Variants in SPATA6L observed in about 807,000 individuals in gnomAD.
The protein encoded by SPATA6L is spermatogenesis associated 6-like protein.
In SPATA6L, 68 loss-of-function variants were observed where a neutral mutation model predicts 49.2. The ratio of observed to expected loss-of-function variants is 1.38; its 90% CI spans 1.14 to 1.69. The LOEUF (loss-of-function observed/expected upper bound fraction) is 1.69, where lower values mean the gene tolerates loss of function less well. SPATA6L is among the 40% of genes most tolerant of loss of function. SPATA6L has a pLI of 0.00. For synonymous variants in SPATA6L, 198 were observed against 165.7 expected (o/e 1.19, Z -1.50); for missense variants, 668 against 464.3 (o/e 1.44, Z -4.03).
intron 3 of SPATA6L, among the ~76,000 whole-genome samples, chr9:4,636,297 A>G (rs1481053495): frequency 6.6e-6 from 1 of 152,186 alleles, no homozygotes; most frequent in African/African-American, 2.4e-5. Flanking sequence ...TTTATTATAA[A>G]CCACTTTCAT....
chr9:4,658,855 G>A (rs1453191417), intron 2 of SPATA6L, among the ~76,000 whole-genome samples: 1 of 151,164 alleles, frequency 6.6e-6, no homozygotes, highest in African/African-American at 2.4e-5. Flanking sequence ...AGCCTGGTGT[G>A]GTGGCAGATC....
downstream of SPATA6L, among the ~76,000 whole-genome samples, chr9:4,596,973 T>G (rs566737048): frequency 7.2e-5 from 11 of 152,344 alleles, no homozygotes; most frequent in South Asian, 8.3e-4. Flanking sequence ...TAGCTAATGC[T>G]CACTGAGTGC....
intron 8 of SPATA6L, 71 bp downstream of exon 8, chr9:4,618,793 G>T: frequency 7.0e-7 from 1 of 1,429,310 alleles, no homozygotes; most frequent in Non-Finnish European, 9.7e-7. Context: ...ACCACTGATT[G>T]GAAAAAGCAC....
Position 4,630,494 on chromosome 9 carries a change from G to C in SPATA6L, c.352-1326C>G, listed in dbSNP as rs141783829. ...CACCTCTCTGCTCTACTCTCCCCCAGAGAACACCACCTGGCCAAGTTACTT... is the reference window on the plus strand; with the variant it reads ...CACCTCTCTGCTCTACTCTCCCCCACAGAACACCACCTGGCCAAGTTACTT... On this transcript the variant is annotated intron_variant, in intron 4 of 11. Transcript: ENST00000682582. Among the ~76,000 whole-genome samples, 519 of 152,194 alleles carry C rather than the reference G, an allele frequency of 3.4e-3. 1 individual carries two copies. Among genetic ancestry groups the C allele is most frequent in the Non-Finnish European group, 5.7e-3 (388 of 68,004 alleles).
intron 7 of SPATA6L, among the ~76,000 whole-genome samples, chr9:4,619,666 G>A (rs1828830020): frequency 6.6e-6 from 1 of 152,016 alleles, no homozygotes; most frequent in African/African-American, 2.4e-5. Context: ...ATTTATGCAG[G>A]AGCTCTTGAA....
Position 4,656,032 on chromosome 9 carries a change from A to C in SPATA6L, c.226+9T>G. On this transcript the variant is annotated intron_variant, in intron 3 of 11. Coordinates refer to ENST00000682582, the MANE Select transcript of SPATA6L (RefSeq NM_001353486.2). ...TTTGGTTTTTTGTTTTGTTTTTCAG[A>C]GTACCTACTTTCCAAAAGGTCTACT... 2 of 1,609,284 alleles carry C rather than the reference A, an allele frequency of 1.2e-6. No homozygotes were observed. Among genetic ancestry groups the C allele is most frequent in the Non-Finnish European group, 1.7e-6 (2 of 1,177,138 alleles).
chr9:4,600,871 C>A (rs1163329322), intron 11 of SPATA6L, 62 bp from the exon 12 acceptor site: 4 of 152,168 alleles, frequency 2.6e-5, no homozygotes, highest in African/African-American at 9.7e-5. Context: ...ACAATCAATA[C>A]AAGTAAGGAG....
intron 13 of SPATA6L, among the ~76,000 whole-genome samples, chr9:4,591,113 G>C (rs1010983438): frequency 6.6e-6 from 1 of 152,160 alleles, no homozygotes; most frequent in African/African-American, 2.4e-5. Context: ...CTTTTCCAAG[G>C]TGAAGGTAAG....
chr9:4,637,754 G>A (rs979459188), intron 3 of SPATA6L, among the ~76,000 whole-genome samples: 1 of 152,094 alleles, frequency 6.6e-6, no homozygotes, highest in East Asian at 1.9e-4. Context: ...GACATAATGG[G>A]GACCTGACAA....
chr9:4,646,769 G>A (rs1171210129), intron 3 of SPATA6L, among the ~76,000 whole-genome samples: 1 of 152,026 alleles, frequency 6.6e-6, no homozygotes, highest in African/African-American at 2.4e-5. Context: ...AAGAACAAGC[G>A]TTCATGTCTT....
At chr9:4,619,003 A>G in intron 7 of SPATA6L, 105 bp from the exon 8 acceptor site, 1 of 1,033,582 alleles carries the variant, frequency 9.7e-7, no homozygotes, top group South Asian at 1.5e-5. Flanking sequence ...TAGACAATGA[A>G]TTAATTATTT....
intron 3 of SPATA6L, chr9:4,646,403 T>A (rs1835381196): frequency 1.2e-6 from 1 of 862,852 alleles, no homozygotes; most frequent in Non-Finnish European, 1.7e-6. Context: ...ACACAACTCT[T>A]AAGTACAGTC....
At chr9:4,618,386 T>C (rs905061853) in intron 8 of SPATA6L, among the ~76,000 whole-genome samples, 1 of 152,198 alleles carries the variant, frequency 6.6e-6, no homozygotes, top group Admixed American at 6.5e-5. Flanking sequence ...TTCTGAGGAC[T>C]AGGGATTATT....
intron 9 of SPATA6L, among the ~76,000 whole-genome samples, chr9:4,606,677 A>G (rs1375531235): frequency 3.3e-5 from 4 of 121,174 alleles, no homozygotes; most frequent in African/African-American, 1.0e-4. Context: ...AAGTAGATAA[A>G]ACCACAAAGA....
At chr9:4,604,697 A>G (rs967937944) in intron 10 of SPATA6L, among the ~76,000 whole-genome samples, 14 of 152,244 alleles carry the variant, frequency 9.2e-5, no homozygotes, top group African/African-American at 3.4e-4. Context: ...CAAATCTAGC[A>G]TATGTCAGTA....
intron 4 of SPATA6L, among the ~76,000 whole-genome samples, chr9:4,629,765 G>GTATATA (rs1451733833): frequency 2.2e-5 from 2 of 91,424 alleles, no homozygotes; most frequent in East Asian, 3.9e-4. Context: ...ATGTGTGTGT[G>GTATATA]TGTGTATATA....
chr9:4,658,508 A>G (rs1355085446), intron 2 of SPATA6L, among the ~76,000 whole-genome samples: 1 of 152,216 alleles, frequency 6.6e-6, no homozygotes, highest in Non-Finnish European at 1.5e-5. Flanking sequence ...TGAATTTTAT[A>G]AAATGAAAAA....
intron 3 of SPATA6L, among the ~76,000 whole-genome samples, chr9:4,637,581 C>T (rs1355563743): frequency 6.6e-6 from 1 of 152,176 alleles, no homozygotes; most frequent in African/African-American, 2.4e-5. Flanking sequence ...CCAGCCAAGA[C>T]AATCACACCT....
At chr9:4,613,773 G>A (rs953646906) in intron 9 of SPATA6L, among the ~76,000 whole-genome samples, 2 of 152,006 alleles carry the variant, frequency 1.3e-5, no homozygotes, top group South Asian at 4.2e-4. Flanking sequence ...TCGTAGAGAC[G>A]GGGTTTTGCC....
Sources: gnomAD v4.1 joint callset for allele counts (sites outside exome capture counted in the v4.1 genomes callset) on GRCh38, gnomAD v4.1.1 for gene constraint, MANE v1.5 for transcripts, NCBI Gene and HGNC (gene_info 2026-07-23, HGNC 2026-07-21) for gene names.